CAST: variants seen among roughly 807,000 people sequenced by gnomAD.
CAST encodes MIR583 host.
Under a neutral mutation model 119.6 loss-of-function variants are expected in CAST, and 76 were observed. That is an observed-to-expected ratio of 0.64 (90% CI 0.53 to 0.77). The LOEUF is 0.77. Among genes scored for constraint, CAST ranks in the 30% least tolerant of loss-of-function variants. The pLI, the probability that CAST is intolerant of heterozygous loss-of-function variation, is 0.00. For synonymous variants in CAST, 319 were observed against 331.6 expected (o/e 0.96, Z 0.41); for missense variants, 953 against 946.5 (o/e 1.01, Z -0.09).
intron 1 of CAST, among the ~76,000 whole-genome samples, chr5:96,665,741 C>CAT (rs1173776323): frequency 2.0e-5 from 3 of 151,370 alleles, no homozygotes; most frequent in African/African-American, 7.3e-5. Context: ...CACACACACA[C>CAT]ATACACACAC....
At chr5:96,597,058 C>G (rs1036419927) in intron 1 of CAST, among the ~76,000 whole-genome samples, 16 of 152,128 alleles carry the variant, frequency 1.1e-4, no homozygotes, top group African/African-American at 3.9e-4. Flanking sequence ...GGCATTAGGG[C>G]TTTAACATGT....
At chr5:96,105,186 G>A in the CAST span, among the ~76,000 whole-genome samples, 5 of 150,916 alleles carry the variant, frequency 3.3e-5, no homozygotes, top group African/African-American at 1.2e-4. Flanking sequence ...TGCAAACAGG[G>A]ACAATTTGAC....
the CAST span, among the ~76,000 whole-genome samples, chr5:96,416,883 T>G: frequency 2.6e-5 from 4 of 152,218 alleles, no homozygotes; most frequent in Non-Finnish European, 5.9e-5. Context: ...CACTAAAGCA[T>G]CTATTCTGAA....
At chr5:96,519,540 C>G in the CAST span, among the ~76,000 whole-genome samples, 2 of 152,154 alleles carry the variant, frequency 1.3e-5, no homozygotes, top group Admixed American at 1.3e-4. Context: ...AAATATGTGA[C>G]CACCTCTATC....
At chr5:96,168,276 T>C in the CAST span, among the ~76,000 whole-genome samples, 6 of 152,198 alleles carry the variant, frequency 3.9e-5, no homozygotes, top group Non-Finnish European at 4.4e-5. Flanking sequence ...TGGGATCTGA[T>C]GCCTTTTGAT....
At chr5:96,709,189 A>G (rs1755611429) in intron 3 of CAST, among the ~76,000 whole-genome samples, 1 of 152,268 alleles carries the variant, frequency 6.6e-6, no homozygotes, top group Admixed American at 6.5e-5. Flanking sequence ...CTCCAGCCAG[A>G]AAGAAAGCTG....
chr5:96,412,750 A>ATGTTTTTTTTTTGT, the CAST span, among the ~76,000 whole-genome samples: 6 of 63,410 alleles, frequency 9.5e-5, 1 homozygote, highest in African/African-American at 4.8e-4. Flanking sequence ...GGCAGCTGTG[A>ATGTTTTTTTTTTGT]TGTTTTTTTT....
At chr5:96,060,007 A>G in the CAST span, among the ~76,000 whole-genome samples, 2 of 152,164 alleles carry the variant, frequency 1.3e-5, no homozygotes, top group Non-Finnish European at 2.9e-5. Flanking sequence ...AGAGTAGAAT[A>G]CTGCAAACTC....
At chr5:96,636,333 G>A (rs1009071706) in intron 1 of CAST, among the ~76,000 whole-genome samples, 4 of 152,122 alleles carry the variant, frequency 2.6e-5, no homozygotes, top group East Asian at 1.9e-4. Context: ...TTACTAGTGG[G>A]AAAAATTTGG....
At chr5:96,578,757 G>A (rs1746719090) in intron 1 of CAST, among the ~76,000 whole-genome samples, 1 of 151,924 alleles carries the variant, frequency 6.6e-6, no homozygotes, top group South Asian at 2.1e-4. Flanking sequence ...TTTAGTTCTT[G>A]GTGTAGCCAG....
the CAST span, among the ~76,000 whole-genome samples, chr5:95,965,901 C>G: frequency 6.6e-6 from 1 of 152,146 alleles, no homozygotes; most frequent in African/African-American, 2.4e-5. Context: ...AATATTTACT[C>G]TAAGTACAAG....
intron 28 of CAST, 71 bp downstream of exon 28, chr5:96,767,553 GA>G (rs1770435757): frequency 7.6e-6 from 9 of 1,178,328 alleles, no homozygotes; most frequent in Admixed American, 5.3e-5. Context: ...TGGCATTTTA[GA>G]AAACTAAAAC....
intron 1 of CAST, among the ~76,000 whole-genome samples, chr5:96,633,791 A>G (rs1364034718): frequency 1.3e-5 from 2 of 152,248 alleles, no homozygotes; most frequent in African/African-American, 4.8e-5. Context: ...GATGGGTTTG[A>G]TGTTTTCTTG....
At chr5:96,118,347 C>T in the CAST span, among the ~76,000 whole-genome samples, 1 of 152,224 alleles carries the variant, frequency 6.6e-6, no homozygotes, top group Non-Finnish European at 1.5e-5. Context: ...TTGTGGTTTG[C>T]CATTCACCTG....
the CAST span, among the ~76,000 whole-genome samples, chr5:96,210,405 G>A: frequency 4.4e-3 from 670 of 151,964 alleles, 3 homozygotes; most frequent in African/African-American, 0.011. Context: ...TTATTTTCCC[G>A]TAGATGTGCA....
the CAST span, among the ~76,000 whole-genome samples, chr5:96,387,181 T>G: frequency 1.3e-5 from 2 of 152,104 alleles, no homozygotes; most frequent in Non-Finnish European, 1.5e-5. Flanking sequence ...GACTCAAGAG[T>G]GCACACCTCT....
the CAST span, among the ~76,000 whole-genome samples, chr5:96,129,404 A>G: frequency 1.3e-5 from 2 of 152,080 alleles, no homozygotes; most frequent in Admixed American, 1.3e-4. Flanking sequence ...GCAAGCTTCA[A>G]CAAGAGGAAG....
chr5:96,118,452 C>G, the CAST span, among the ~76,000 whole-genome samples: 147 of 152,160 alleles, frequency 9.7e-4, no homozygotes, highest in African/African-American at 3.3e-3. Flanking sequence ...GTTTCTTTCA[C>G]GTAGAGTTTG....
chr5:96,556,938 A>C (rs539472973), intron 1 of CAST, among the ~76,000 whole-genome samples: 1 of 152,140 alleles, frequency 6.6e-6, no homozygotes. Context: ...TGAAGGAAAA[A>C]ATGTTAAGGG....
Sources: gnomAD v4.1 joint callset for allele counts (sites outside exome capture counted in the v4.1 genomes callset) on GRCh38, gnomAD v4.1.1 for gene constraint, MANE v1.5 for transcripts, NCBI Gene and HGNC (gene_info 2026-07-23, HGNC 2026-07-21) for gene names.